Variants in CSMD1 observed in about 807,000 individuals in gnomAD.
The protein encoded by CSMD1 is CUB and sushi domain-containing protein 1.
Under a neutral mutation model 417.5 loss-of-function variants are expected in CSMD1, and 213 were observed. The ratio of observed to expected loss-of-function variants is 0.51; its 90% CI spans 0.46 to 0.57. The LOEUF (loss-of-function observed/expected upper bound fraction) is 0.57. CSMD1 is among the 20% of genes least tolerant of loss of function. The probability of loss-of-function intolerance (pLI) is 0.00; values close to 1 mark genes in which losing one functional copy is unlikely to be tolerated. For missense variants in CSMD1, 6,923 were observed against 4,529.7 expected, an observed-to-expected ratio of 1.53 and a Z score of -15.17; for synonymous variants, 2,862 against 1,736.8, an observed-to-expected ratio of 1.65 and a Z score of -16.11.
intron 49 of CSMD1, among the ~76,000 whole-genome samples, chr8:3,075,608 A>G (rs190194148): frequency 8.5e-5 from 13 of 152,136 alleles, no homozygotes; most frequent in Middle Eastern, 6.8e-3. Context: ...TACAGTAAGA[A>G]CAGCCTAATA....
At chr8:4,294,883 C>G (rs1415535385) in intron 3 of CSMD1, among the ~76,000 whole-genome samples, 2 of 151,790 alleles carry the variant, frequency 1.3e-5, no homozygotes, top group Non-Finnish European at 2.9e-5. Context: ...CTTTTAGTAG[C>G]TGTCAATGTG....
chr8:3,064,861 C>T (rs562648845), intron 49 of CSMD1, among the ~76,000 whole-genome samples: 1 of 152,168 alleles, frequency 6.6e-6, no homozygotes, highest in East Asian at 1.9e-4. Context: ...AAGTTAGGGG[C>T]TTAGTTTCAG....
chr8:3,623,593 T>A lies in CSMD1; in HGVS notation c.1010-6796A>T, dbSNP rs148700568. On this transcript the variant is annotated intron_variant, in intron 7 of 69. Transcript: ENST00000635120. ...AACTCTTAGTATCATTTACATATGT[T>A]TTTAAATGTAATCCTTATAATCAGG... Among the ~76,000 whole-genome samples the A allele has an allele frequency of 2.1e-3, 313 of 152,324 alleles. 2 individuals are homozygous for A. The highest frequency in any genetic ancestry group is 7.1e-3 in the African/African-American group (297 of 41,568).
At chr8:3,720,427 A>C (rs1350139834) in intron 6 of CSMD1, among the ~76,000 whole-genome samples, 1 of 152,132 alleles carries the variant, frequency 6.6e-6, no homozygotes, top group East Asian at 1.9e-4. Flanking sequence ...ACTGTAAACT[A>C]TTTCCTTTAA....
intron 18 of CSMD1, among the ~76,000 whole-genome samples, chr8:3,378,003 G>A (rs898147238): frequency 6.6e-6 from 1 of 152,204 alleles, no homozygotes; most frequent in African/African-American, 2.4e-5. Flanking sequence ...CCAGAGGAAT[G>A]CTCATCAAGG....
At chr8:3,631,854 G>T (rs527540260) in intron 7 of CSMD1, among the ~76,000 whole-genome samples, 2 of 152,212 alleles carry the variant, frequency 1.3e-5, no homozygotes, top group South Asian at 4.1e-4. Flanking sequence ...TCTTTAAAAC[G>T]TGAATTCCCC....
intron 5 of CSMD1, among the ~76,000 whole-genome samples, chr8:3,828,332 T>C (rs1802172534): frequency 6.6e-6 from 1 of 152,218 alleles, no homozygotes; most frequent in South Asian, 2.1e-4. Flanking sequence ...TTAAGTATAA[T>C]GAATCTATAA....
chr8:3,966,843 C>G (rs1048303616), intron 5 of CSMD1, among the ~76,000 whole-genome samples: 1 of 152,322 alleles, frequency 6.6e-6, no homozygotes, highest in Admixed American at 6.5e-5. Flanking sequence ...TCTGTACAGA[C>G]ACTAAGCTCT....
chr8:3,145,180 T>C (rs1374590019), intron 40 of CSMD1, among the ~76,000 whole-genome samples: 1 of 152,044 alleles, frequency 6.6e-6, no homozygotes, highest in African/African-American at 2.4e-5. Context: ...TCAGGCGGAA[T>C]CAAGAAGCTG....
intron 25 of CSMD1, among the ~76,000 whole-genome samples, chr8:3,298,549 G>T (rs1314113556): frequency 6.6e-6 from 1 of 152,140 alleles, no homozygotes; most frequent in Non-Finnish European, 1.5e-5. Flanking sequence ...TGCCTCCCAG[G>T]CTCAAGCAAT....
intron 4 of CSMD1, among the ~76,000 whole-genome samples, chr8:4,010,700 C>G (rs1451480285): frequency 6.6e-6 from 1 of 152,176 alleles, no homozygotes; most frequent in Non-Finnish European, 1.5e-5. Flanking sequence ...CCTTCACTTT[C>G]TTTTCCTTGT....
chr8:3,315,478 TTTAAA>T (rs1487677235), intron 23 of CSMD1, among the ~76,000 whole-genome samples: 1 of 140,082 alleles, frequency 7.1e-6, no homozygotes, highest in Non-Finnish European at 1.6e-5. Flanking sequence ...TAAACTATCT[TTTAAA>T]TTATTTATGG....
intron 2 of CSMD1, among the ~76,000 whole-genome samples, chr8:4,578,588 G>GAA (rs1799253438): frequency 6.6e-6 from 1 of 151,270 alleles, no homozygotes; most frequent in Non-Finnish European, 1.5e-5. Flanking sequence ...AGGCCAAGGT[G>GAA]GGCGGTTCAC....
intron 3 of CSMD1, among the ~76,000 whole-genome samples, chr8:4,173,651 T>A (rs1338783880): frequency 6.6e-6 from 1 of 152,148 alleles, no homozygotes; most frequent in Non-Finnish European, 1.5e-5. Flanking sequence ...ATGCCACTTT[T>A]CAGACCCAAA....
chr8:3,508,143 A>C (rs1344455170), intron 10 of CSMD1, among the ~76,000 whole-genome samples: 1 of 152,150 alleles, frequency 6.6e-6, no homozygotes, highest in Non-Finnish European at 1.5e-5. Context: ...CAAACACCAC[A>C]TGTTCTCACT....
chr8:4,168,193 G>A (rs1273755917), intron 3 of CSMD1, among the ~76,000 whole-genome samples: 1 of 150,356 alleles, frequency 6.7e-6, no homozygotes, highest in Non-Finnish European at 1.5e-5. Flanking sequence ...ACACACGTAT[G>A]TATGTATATA....
chr8:3,523,992 G>GAA (rs1797637080), intron 10 of CSMD1, among the ~76,000 whole-genome samples: 8 of 129,286 alleles, frequency 6.2e-5, no homozygotes, highest in South Asian at 5.0e-4. Context: ...TGCACACCCA[G>GAA]AGACACATAT....
chr8:3,653,933 C>G (rs573627752), intron 7 of CSMD1, among the ~76,000 whole-genome samples: 2 of 152,300 alleles, frequency 1.3e-5, no homozygotes, highest in East Asian at 1.9e-4. Flanking sequence ...CTGAAACTGA[C>G]AAGTTTCATT....
intron 1 of CSMD1, among the ~76,000 whole-genome samples, chr8:4,688,352 A>T (rs919347517): frequency 3.2e-4 from 48 of 152,310 alleles, no homozygotes; most frequent in African/African-American, 1.1e-3. Context: ...AAAAAGCTGT[A>T]AGTGCCCAAA....
Sources: allele counts gnomAD v4.1 joint callset (sites outside exome capture counted in the v4.1 genomes callset), GRCh38; gene constraint gnomAD v4.1.1; transcripts MANE v1.5; gene names NCBI Gene and HGNC (gene_info 2026-07-23, HGNC 2026-07-21).